The following MCTP1 variants were observed in gnomAD, a reference collection of about 807,000 sequenced individuals.
MCTP1 encodes the protein multiple C2 and transmembrane domain containing 1.
Under a neutral mutation model 120.6 loss-of-function variants are expected in MCTP1, and 69 were observed. The ratio of observed to expected loss-of-function variants is 0.57; its 90% CI spans 0.47 to 0.70. The LOEUF (loss-of-function observed/expected upper bound fraction) is 0.70, where lower values mean the gene tolerates loss of function less well. MCTP1 is among the 30% of genes least tolerant of loss of function. MCTP1 has a pLI of 0.00. For synonymous variants in MCTP1, 529 were observed against 493.1 expected, an observed-to-expected ratio of 1.07 and a Z score of -0.96; for missense variants, 1,203 against 1,248.8, an observed-to-expected ratio of 0.96 and a Z score of 0.55.
rs139154603 is a variant in MCTP1 at position 95,111,435 on chromosome 5, C to A, written c.721-93951G>T. On this transcript the variant is annotated intron_variant, in intron 1 of 22. Transcript: ENST00000515393. ...ACAGAGTCTCACAAAGCTTTTATCA[C>A]AGCTTCTGGTATACAGAATGACCAA... Among the ~76,000 whole-genome samples the A allele has an allele frequency of 3.0e-3, 463 of 152,274 alleles. 2 individuals are homozygous for A. The highest frequency in any genetic ancestry group is 5.1e-3 in the Non-Finnish European group (344 of 67,998).
intron 17 of MCTP1, among the ~76,000 whole-genome samples, chr5:94,839,941 T>C (rs1207358481): frequency 1.3e-5 from 2 of 152,222 alleles, no homozygotes; most frequent in African/African-American, 2.4e-5. Flanking sequence ...AATTCACAAA[T>C]CAAATTCTAG....
intron 1 of MCTP1, among the ~76,000 whole-genome samples, chr5:95,127,924 G>C (rs890130118): frequency 1.3e-5 from 2 of 152,132 alleles, no homozygotes; most frequent in South Asian, 4.1e-4. Context: ...GAAAGACAAG[G>C]CTGGAGAGCT....
At chr5:94,773,226 A>C (rs986190364) in intron 19 of MCTP1, among the ~76,000 whole-genome samples, 1 of 152,168 alleles carries the variant, frequency 6.6e-6, no homozygotes, top group African/African-American at 2.4e-5. Context: ...AATAGATAAT[A>C]AGCAAATGGG....
At chr5:95,204,488 T>C (rs1360077318) in intron 1 of MCTP1, among the ~76,000 whole-genome samples, 1 of 152,176 alleles carries the variant, frequency 6.6e-6, no homozygotes, top group Non-Finnish European at 1.5e-5. Flanking sequence ...TTTGCTCTCT[T>C]CACATCTATT....
At chr5:95,244,781 C>A (rs1439702082) in intron 1 of MCTP1, among the ~76,000 whole-genome samples, 1 of 152,190 alleles carries the variant, frequency 6.6e-6, no homozygotes, top group Non-Finnish European at 1.5e-5. Context: ...CAAAAGGCAG[C>A]AGACAGCTTC....
Position 95,017,367 on chromosome 5 carries a change from C to G in MCTP1, c.838G>C (p.Gly280Arg), listed in dbSNP as rs111625916. 1.3e-6 allele frequency: 2 copies of G among 1,593,922 alleles called. No individual in the cohort carries two copies. The highest frequency in any genetic ancestry group is 1.7e-6 in the Non-Finnish European group (2 of 1,165,880). Residue 280 changes from glycine (G) to arginine (R), a missense_variant and splice_region_variant, in exon 2 of 23, where the codon GGG (glycine) becomes CGG (arginine). By Grantham distance (125) the Gly-to-Arg change is moderately radical. Around this residue, in one of 2 missense-constraint regions of MCTP1, gnomAD observed 740 missense variants for 871.1 expected, o/e 0.85. Coordinates refer to ENST00000515393, the MANE Select transcript of MCTP1 (RefSeq NM_024717.7). The stretch of plus-strand genomic sequence containing the variant: ...GGTGATATTGCTCTTATGCTCTTAC[C>G]TCCTCGATCTCGAGCAGCTAAACTT... ...GQSLAARDRGGTSDPYVKFKI... is the reference protein window; with the variant it reads ...GQSLAARDRGRTSDPYVKFKI...
intron 1 of MCTP1, among the ~76,000 whole-genome samples, chr5:95,208,754 A>G (rs1408261344): frequency 1.3e-5 from 2 of 152,016 alleles, no homozygotes; most frequent in Non-Finnish European, 2.9e-5. Flanking sequence ...GTTCTAGAAC[A>G]TATGTATTAT....
rs1581123851 is a variant in MCTP1, at chr5:94,870,554, C to A, written c.2242-63G>T. ...ATTACAAATGTTTACAAGTTTTTCACGCAGTTCAATTTGCAATAATTTCTA... is the reference window on the plus strand; with the variant it reads ...ATTACAAATGTTTACAAGTTTTTCAAGCAGTTCAATTTGCAATAATTTCTA... On this transcript the variant is annotated intron_variant, in intron 15 of 22. Transcript: ENST00000515393. The A allele has an allele frequency of 2.5e-6, 3 of 1,210,430 alleles. No homozygotes were observed. In the East Asian group the frequency reaches 7.0e-5, roughly 28 times the overall value. 75.0% of individuals were successfully genotyped at this position (1,210,430 alleles called of 1,614,324 possible). A position where few individuals can be genotyped will look rare whatever the true frequency, so the allele number is the denominator to read the frequency against.
intron 1 of MCTP1, among the ~76,000 whole-genome samples, chr5:95,275,101 C>G (rs900660847): frequency 6.6e-6 from 1 of 152,160 alleles, no homozygotes; most frequent in African/African-American, 2.4e-5. Context: ...CCCCAGACAA[C>G]ACATGCCTAG....
At chr5:95,282,704 A>T (rs976764837) in intron 1 of MCTP1, among the ~76,000 whole-genome samples, 5 of 152,226 alleles carry the variant, frequency 3.3e-5, no homozygotes, top group African/African-American at 1.2e-4. Context: ...GTGTTTGCTT[A>T]CAGCAAGCAA....
chr5:94,845,133 G>T (rs1437745989), intron 17 of MCTP1, among the ~76,000 whole-genome samples: 1 of 152,078 alleles, frequency 6.6e-6, no homozygotes, highest in East Asian at 1.9e-4. Context: ...TAAGCAAAAA[G>T]CAACCTGTAT....
intron 1 of MCTP1, among the ~76,000 whole-genome samples, chr5:95,061,408 G>GTTTTTTTTTTTTTTTTT (rs556663513): frequency 3.0e-5 from 1 of 33,490 alleles, no homozygotes; most frequent in African/African-American, 9.8e-5. Context: ...CCCCTTAAGG[G>GTTTTTTTTTTTTTTTTT]TTTTTTTTTT....
intron 12 of MCTP1, among the ~76,000 whole-genome samples, chr5:94,882,826 C>T (rs9314120): frequency 0.032 from 4,841 of 152,262 alleles, 275 homozygotes; most frequent in African/African-American, 0.11. Context: ...TGTCATCCCA[C>T]CTATTCTTCC....
rs1424999102 is a variant in MCTP1, at chr5:95,283,973, CAG to C, written c.601_602del (p.Leu201AlafsTer49). On this transcript the variant is annotated frameshift_variant, in exon 1 of 23. Transcript: ENST00000515393. LOFTEE classifies it high-confidence loss of function. Reference sequence around the variant, plus strand: ...GCTGCTCCAGGCAGGCGGTGCCCGGCAGAGAGGAGCTCTTCTGGTGGCACAAG... The same window carrying C: ...GCTGCTCCAGGCAGGCGGTGCCCGGCAGAGGAGCTCTTCTGGTGGCACAAG... The part of the protein sequence containing the change: ...AHLCHQKSSS[L>X]PGTACLEQLL... 11 of 1,436,086 alleles carry C rather than the reference CAG, an allele frequency of 7.7e-6. No homozygotes were observed. Among genetic ancestry groups the C allele is most frequent in the Non-Finnish European group, 1.0e-5 (11 of 1,099,070 alleles). 89.0% of individuals were successfully genotyped at this position (1,436,086 alleles called of 1,614,324 possible).
At position 95,057,152 on chromosome 5, in the gene MCTP1, G is replaced by A. The variant is rs185071947; in HGVS notation, c.721-39668C>T. Among the ~76,000 whole-genome samples the A allele has an allele frequency of 1.3e-3, 198 of 152,002 alleles. 2 individuals carry two copies. Among genetic ancestry groups the A allele is most frequent in the Non-Finnish European group, 2.3e-3 (157 of 67,968 alleles). On this transcript the variant is annotated intron_variant, in intron 1 of 22. Transcript: ENST00000515393. ...TCATAAAATAGTAACATTAATTATA[G>A]AGAATGGAAACAGAGGTGTATGTTA...
rs1026018576 is a variant in MCTP1 at position 95,129,497 on chromosome 5, G to A, written c.721-112013C>T. Among the ~76,000 whole-genome samples the A allele has an allele frequency of 5.3e-5, 8 of 152,152 alleles. 1 individual carries two copies. Among genetic ancestry groups the A allele is most frequent in the Admixed American group, 6.5e-5 (1 of 15,272 alleles). On this transcript the variant is annotated intron_variant, in intron 1 of 22. Coordinates refer to ENST00000515393, the MANE Select transcript of MCTP1 (RefSeq NM_024717.7). Reference sequence around the variant, plus strand: ...TCTGTGTCAACTTGACAGGGCTAACGGATGCCCAAACAGATGGTAAAACAT... The same window carrying A: ...TCTGTGTCAACTTGACAGGGCTAACAGATGCCCAAACAGATGGTAAAACAT...
chr5:94,981,581 A>C (rs750466446), intron 2 of MCTP1, among the ~76,000 whole-genome samples: 26 of 152,166 alleles, frequency 1.7e-4, no homozygotes, highest in Non-Finnish European at 3.2e-4. Context: ...GCAGTGAGCC[A>C]ATATATGAGC....
chr5:94,850,791 C>T (rs1174253002), intron 17 of MCTP1, among the ~76,000 whole-genome samples: 1 of 152,012 alleles, frequency 6.6e-6, no homozygotes, highest in Non-Finnish European at 1.5e-5. Context: ...CATATAAATT[C>T]TACATAGAAC....
chr5:95,271,998 T>G (rs573702466), intron 1 of MCTP1, among the ~76,000 whole-genome samples: 1 of 152,180 alleles, frequency 6.6e-6, no homozygotes, highest in Non-Finnish European at 1.5e-5. Context: ...TATTTCATCA[T>G]TTAAATGTAA....
Sources: allele counts gnomAD v4.1 joint callset (sites outside exome capture counted in the v4.1 genomes callset), GRCh38; gene constraint gnomAD v4.1.1; regional missense constraint gnomAD v4.1.1; transcripts MANE v1.5; gene names NCBI Gene and HGNC (gene_info 2026-07-23, HGNC 2026-07-21).